VPS41: variants seen among roughly 807,000 people sequenced by gnomAD.
The protein encoded by VPS41 is VPS41 subunit of HOPS complex.
VPS41 carries 85 observed loss-of-function variants against 130.9 expected under a neutral mutation model. The observed-to-expected ratio is 0.65, with a 90% CI of 0.55 to 0.78. VPS41 has a LOEUF of 0.78. Ranked by LOEUF, VPS41 falls within the 30% of genes least tolerant of loss-of-function variation. The pLI is 0.00. For synonymous variants in VPS41, 335 were observed against 332.9 expected, an observed-to-expected ratio of 1.01 and a Z score of -0.07; for missense variants, 874 against 1,018.7, an observed-to-expected ratio of 0.86 and a Z score of 1.93.
At chr7:38,882,479 C>G (rs1172699121) in intron 2 of VPS41, among the ~76,000 whole-genome samples, 2 of 152,124 alleles carry the variant, frequency 1.3e-5, no homozygotes, top group Non-Finnish European at 2.9e-5. Context: ...TTTTGAACAC[C>G]ATCTAAATGC....
chr7:38,761,590 G>A (rs1174253356), intron 17 of VPS41, among the ~76,000 whole-genome samples: 1 of 139,108 alleles, frequency 7.2e-6, no homozygotes, highest in African/African-American at 2.8e-5. Context: ...ACCACACACA[G>A]CCTCTTTCTT....
At chr7:38,898,157 C>A in intron 1 of VPS41, 28 bp from the exon 2 acceptor site, 1 of 1,594,036 alleles carries the variant, frequency 6.3e-7, no homozygotes, top group South Asian at 1.1e-5. Flanking sequence ...AGAAAATGGT[C>A]AGAAGAGATG....
At chr7:38,899,812 T>C (rs1242052576) in intron 1 of VPS41, among the ~76,000 whole-genome samples, 1 of 152,198 alleles carries the variant, frequency 6.6e-6, no homozygotes, top group Non-Finnish European at 1.5e-5. Context: ...TTCCTGTATG[T>C]ACAGTTCTAA....
intron 1 of VPS41, among the ~76,000 whole-genome samples, chr7:38,903,223 G>A (rs781387144): frequency 7.2e-5 from 11 of 152,278 alleles, no homozygotes; most frequent in Non-Finnish European, 1.5e-4. Flanking sequence ...TCTCATACAG[G>A]CTTTCAACCA....
At chr7:38,790,224 T>C (rs957222655) in intron 9 of VPS41, among the ~76,000 whole-genome samples, 3 of 152,202 alleles carry the variant, frequency 2.0e-5, no homozygotes, top group African/African-American at 4.8e-5. Flanking sequence ...AACTATGGTA[T>C]GGAAAATTCT....
chr7:38,861,027 GAAGA>G (rs1403373785), intron 4 of VPS41, among the ~76,000 whole-genome samples: 1 of 152,054 alleles, frequency 6.6e-6, no homozygotes, highest in Non-Finnish European at 1.5e-5. Context: ...AAAAAGAACT[GAAGA>G]AAGATTTAGA....
chr7:38,845,157 G>A (rs754127330), intron 4 of VPS41, among the ~76,000 whole-genome samples: 4 of 152,100 alleles, frequency 2.6e-5, no homozygotes, highest in East Asian at 1.9e-4. Flanking sequence ...ACAAGCCCAC[G>A]GACAATGGTA....
At chr7:38,796,668 C>T in intron 8 of VPS41, 77 bp downstream of exon 8, 1 of 1,605,090 alleles carries the variant, frequency 6.2e-7, no homozygotes, top group Admixed American at 1.7e-5. Flanking sequence ...CATCTTTTCC[C>T]TTCATTACAG....
intron 25 of VPS41, among the ~76,000 whole-genome samples, chr7:38,733,679 G>A (rs1176124663): frequency 2.0e-5 from 3 of 152,106 alleles, no homozygotes; most frequent in Non-Finnish European, 4.4e-5. Context: ...ATCACTTTCA[G>A]AACTTAAAAC....
At chr7:38,855,676 A>G (rs1019487167) in intron 4 of VPS41, among the ~76,000 whole-genome samples, 1 of 152,224 alleles carries the variant, frequency 6.6e-6, no homozygotes, top group Non-Finnish European at 1.5e-5. Flanking sequence ...ATACATAACC[A>G]GAACAGCTCA....
At chr7:38,771,074 G>A (rs1784144114) in intron 14 of VPS41, 124 bp downstream of exon 14, 3 of 727,546 alleles carry the variant, frequency 4.1e-6, no homozygotes, top group South Asian at 1.7e-5. Context: ...TCATAGGTTA[G>A]GGAATTAGTT....
intron 5 of VPS41, among the ~76,000 whole-genome samples, chr7:38,824,813 G>C (rs539262844): frequency 6.6e-6 from 1 of 152,142 alleles, no homozygotes; most frequent in Admixed American, 6.5e-5. Flanking sequence ...ATGGAATAAA[G>C]AAATTTTAGA....
At chr7:38,878,244 C>A (rs1366820604) in intron 2 of VPS41, among the ~76,000 whole-genome samples, 1 of 152,080 alleles carries the variant, frequency 6.6e-6, no homozygotes, top group Non-Finnish European at 1.5e-5. Flanking sequence ...AGCATTAATA[C>A]CTTTTACAGA....
At chr7:38,756,444 A>G (rs17768212) in intron 19 of VPS41, among the ~76,000 whole-genome samples, 35,920 of 152,138 alleles carry the variant, frequency 0.24, 4,952 homozygotes, top group East Asian at 0.43. Flanking sequence ...TAAAATAGTA[A>G]TAAGTCGGTC....
At chr7:38,797,152 T>C (rs1484158588) in intron 7 of VPS41, 1 of 238,408 alleles carries the variant, frequency 4.2e-6, no homozygotes, top group Non-Finnish European at 8.3e-6. Context: ...TGCACATTAG[T>C]TAATCAAAAG....
chr7:38,909,020 C>T, intron 1 of VPS41, 134 bp downstream of exon 1: 2 of 1,100,104 alleles, frequency 1.8e-6, no homozygotes, highest in South Asian at 1.3e-5. Flanking sequence ...CGCCATCCCA[C>T]CCCGCCCTGC....
intron 10 of VPS41, among the ~76,000 whole-genome samples, chr7:38,784,828 G>A (rs895204187): frequency 3.9e-5 from 6 of 152,122 alleles, no homozygotes; most frequent in African/African-American, 1.4e-4. Flanking sequence ...GGGCTAAAGC[G>A]CTGCAGTACA....
At chr7:38,872,517 T>C (rs1786391506) in intron 2 of VPS41, among the ~76,000 whole-genome samples, 2 of 152,248 alleles carry the variant, frequency 1.3e-5, no homozygotes, top group South Asian at 4.1e-4. Context: ...ATACATAAGC[T>C]ATTAGCTGTT....
chr7:38,908,854 G>A (rs1009308264), intron 1 of VPS41, among the ~76,000 whole-genome samples: 1 of 152,220 alleles, frequency 6.6e-6, no homozygotes, highest in African/African-American at 2.4e-5. Flanking sequence ...CAGTCCCTGA[G>A]GTAGCCGGGC....
Sources: gnomAD v4.1 joint callset for allele counts (sites outside exome capture counted in the v4.1 genomes callset) on GRCh38, gnomAD v4.1.1 for gene constraint, MANE v1.5 for transcripts, NCBI Gene and HGNC (gene_info 2026-07-23, HGNC 2026-07-21) for gene names.